Variants in NEDD4L observed in about 807,000 individuals in gnomAD.
NEDD4L encodes E3 ubiquitin-protein ligase NEDD4-like.
A neutral mutation model predicts 148.9 loss-of-function variants in NEDD4L; 54 were observed. The observed-to-expected ratio is 0.36, with a 90% confidence interval of 0.29 to 0.45. The LOEUF is 0.45. Among genes scored for constraint, NEDD4L ranks in the 20% least tolerant of loss-of-function variants. The pLI is 1.00. For synonymous variants in NEDD4L, 433 were observed against 440.7 expected (o/e 0.98, Z 0.22); for missense variants, 856 against 1,233.8 (o/e 0.69, Z 4.59).
intron 1 of NEDD4L, among the ~76,000 whole-genome samples, chr18:58,146,658 G>T (rs2034127879): frequency 6.6e-6 from 1 of 152,176 alleles, no homozygotes; most frequent in Non-Finnish European, 1.5e-5. Context: ...ACAAGGAATG[G>T]TGGGAGCAAT....
chr18:58,307,351 G>A (rs1343558625), intron 5 of NEDD4L, among the ~76,000 whole-genome samples: 1 of 151,746 alleles, frequency 6.6e-6, no homozygotes, highest in African/African-American at 2.4e-5. Context: ...TTTCCTTTTT[G>A]TCCAATAAAT....
chr18:58,316,394 G>A (rs866590583), intron 6 of NEDD4L, among the ~76,000 whole-genome samples: 48 of 152,144 alleles, frequency 3.2e-4, no homozygotes, highest in African/African-American at 1.0e-3. Flanking sequence ...TGCATCCTCC[G>A]GGTCCCATCA....
chr18:58,074,177 G>A (rs1279184633), intron 1 of NEDD4L, among the ~76,000 whole-genome samples: 1 of 152,018 alleles, frequency 6.6e-6, no homozygotes, highest in Non-Finnish European at 1.5e-5. Context: ...AGTTTCCATT[G>A]ATGGCAGACC....
At chr18:58,071,664 G>A (rs1048056668) in intron 1 of NEDD4L, among the ~76,000 whole-genome samples, 1 of 152,220 alleles carries the variant, frequency 6.6e-6, no homozygotes, top group Non-Finnish European at 1.5e-5. Context: ...TTCTCATGCC[G>A]CTAATAAAGA....
chr18:58,186,368 G>A (rs2039484746), intron 2 of NEDD4L, among the ~76,000 whole-genome samples: 1 of 152,166 alleles, frequency 6.6e-6, no homozygotes, highest in South Asian at 2.1e-4. Context: ...ATTTTATTGG[G>A]CTGTGTTGAG....
intron 2 of NEDD4L, among the ~76,000 whole-genome samples, chr18:58,170,024 T>C (rs2037369963): frequency 6.6e-6 from 1 of 152,176 alleles, no homozygotes; most frequent in Non-Finnish European, 1.5e-5. Flanking sequence ...CACGACCTAT[T>C]ATAGCACATA....
At chr18:58,062,554 G>A (rs1194611807) in intron 1 of NEDD4L, among the ~76,000 whole-genome samples, 1 of 152,192 alleles carries the variant, frequency 6.6e-6, no homozygotes, top group Non-Finnish European at 1.5e-5. Context: ...GCTGTTTGTT[G>A]CTGTCATCTA....
intron 1 of NEDD4L, among the ~76,000 whole-genome samples, chr18:58,143,690 G>A (rs879441688): frequency 6.6e-6 from 1 of 152,174 alleles, no homozygotes; most frequent in Admixed American, 6.5e-5. Context: ...TGGATGGGAT[G>A]GTGCAAGAAA....
chr18:58,346,143 A>AC (rs1439962287), intron 16 of NEDD4L, among the ~76,000 whole-genome samples: 1 of 152,026 alleles, frequency 6.6e-6, no homozygotes, highest in African/African-American at 2.4e-5. Context: ...CATGCTGGAG[A>AC]CCAGGGGCTT....
chr18:58,139,073 T>C (rs757791273), intron 1 of NEDD4L, among the ~76,000 whole-genome samples: 9 of 152,248 alleles, frequency 5.9e-5, no homozygotes, highest in African/African-American at 9.6e-5. Context: ...TTTTACCTGA[T>C]ATAATCCTTC....
At chr18:58,121,221 T>C (rs2086219792) in intron 1 of NEDD4L, among the ~76,000 whole-genome samples, 1 of 152,054 alleles carries the variant, frequency 6.6e-6, no homozygotes, top group Admixed American at 6.6e-5. Context: ...TTCTCACGTG[T>C]GTTATTAGGA....
Position 58,227,945 on chromosome 18 carries a change from T to G in NEDD4L, c.123-17482T>G, listed in dbSNP as rs972618546. On this transcript the variant is annotated intron_variant, in intron 2 of 30. Transcript: ENST00000400345. ...TATTTCTATCCAATTTACCCCAAAT[T>G]TGAGCAGTATTACACCTTAAAATAA... 4 of 631,622 alleles carry G rather than the reference T, an allele frequency of 6.3e-6. No homozygotes were observed. The African/African-American group carries it at 8.0e-5, about 13-fold the overall frequency. The allele number at this position is 631,622 out of a possible 1,614,324, so 39.1% of individuals were successfully genotyped here. A position where few individuals can be genotyped will look rare whatever the true frequency, so the allele number is the denominator to read the frequency against.
intron 1 of NEDD4L, among the ~76,000 whole-genome samples, chr18:58,116,375 C>T (rs1228047698): frequency 6.6e-6 from 1 of 152,154 alleles, no homozygotes; most frequent in East Asian, 1.9e-4. Context: ...TCCATGCCTT[C>T]TCATAATGTG....
At chr18:58,218,753 CTT>C (rs1443563521) in intron 2 of NEDD4L, among the ~76,000 whole-genome samples, 1 of 152,206 alleles carries the variant, frequency 6.6e-6, no homozygotes, top group African/African-American at 2.4e-5. Context: ...TGGTTTTAGA[CTT>C]AGTCTCAGAA....
At chr18:58,258,120 T>C (rs1228339427) in intron 5 of NEDD4L, among the ~76,000 whole-genome samples, 1 of 152,256 alleles carries the variant, frequency 6.6e-6, no homozygotes, top group East Asian at 1.9e-4. Context: ...TCTCTTTCCT[T>C]CCATGTATCT....
chr18:58,125,582 A>T (rs542387908), intron 1 of NEDD4L, among the ~76,000 whole-genome samples: 27 of 151,956 alleles, frequency 1.8e-4, no homozygotes, highest in Non-Finnish European at 8.8e-5. Flanking sequence ...CCCTTATATG[A>T]TCTCGAGTCA....
At chr18:58,264,073 T>G (rs1431952261) in intron 5 of NEDD4L, among the ~76,000 whole-genome samples, 1 of 152,152 alleles carries the variant, frequency 6.6e-6, no homozygotes, top group African/African-American at 2.4e-5. Context: ...AGATATTAAG[T>G]TGTAATAAAA....
chr18:58,071,713 T>C (rs1450726611), intron 1 of NEDD4L, among the ~76,000 whole-genome samples: 1 of 152,222 alleles, frequency 6.6e-6, no homozygotes, highest in Non-Finnish European at 1.5e-5. Flanking sequence ...GAAAGAGGTT[T>C]AATTGACTTA....
At chr18:58,272,472 CA>C (rs886862157) in intron 5 of NEDD4L, among the ~76,000 whole-genome samples, 3 of 151,830 alleles carry the variant, frequency 2.0e-5, no homozygotes, top group African/African-American at 4.8e-5. Context: ...CTTGTCTCTC[CA>C]AAAAAATGCA....
Sources: gnomAD v4.1 joint callset for allele counts (sites outside exome capture counted in the v4.1 genomes callset) on GRCh38, gnomAD v4.1.1 for gene constraint, MANE v1.5 for transcripts, NCBI Gene and HGNC (gene_info 2026-07-23, HGNC 2026-07-21) for gene names.